The following PCDHAC1 variants were observed in gnomAD, a reference collection of about 807,000 sequenced individuals.
PCDHAC1 encodes the protein protocadherin alpha subfamily C, 1, also known as protocadherin alpha-C1.
PCDHAC1 carries 42 observed loss-of-function variants against 60.0 expected under a neutral mutation model. The observed-to-expected ratio is 0.70, with a 90% CI of 0.55 to 0.90. The LOEUF is 0.90. Ranked by LOEUF, PCDHAC1 falls within the 40% of genes least tolerant of loss-of-function variation. The pLI, the probability that PCDHAC1 is intolerant of heterozygous loss-of-function variation, is 0.00. For synonymous variants in PCDHAC1, 468 were observed against 499.3 expected (o/e 0.94, Z 0.84); for missense variants, 1,160 against 1,222.3 (o/e 0.95, Z 0.76).
At chr5:140,971,419 G>A (rs1554233321) in intron 1 of PCDHAC1, among the ~76,000 whole-genome samples, 1 of 152,140 alleles carries the variant, frequency 6.6e-6, no homozygotes. Context: ...TGGAAATCCA[G>A]TGAAGAACCC....
At chr5:140,960,551 G>T (rs2095555454) in intron 1 of PCDHAC1, among the ~76,000 whole-genome samples, 1 of 152,102 alleles carries the variant, frequency 6.6e-6, no homozygotes, top group Admixed American at 6.5e-5. Flanking sequence ...CCTTCATATA[G>T]ACTGAGCTTA....
In PCDHAC1 at chr5:140,927,795, G is replaced by T; in HGVS notation, c.903G>T (p.Pro301=). ...GEVQVAASLG[P]PETLLEAYIE... ...TGCAAGTAGCTGCTTCACTAGGTCC[G>T]CCTGAAACGCTCTTGGAGGCATACA... The change falls in exon 1 of 4, where the codon CCG becomes CCT. Residue 301 remains proline, a synonymous_variant. Transcript: ENST00000253807. The T allele has an allele frequency of 1.9e-6, 3 of 1,614,144 alleles. 1 individual carries two copies. The highest frequency in any genetic ancestry group is 2.2e-5 in the South Asian group (2 of 91,080).
rs1219444085 is a variant in PCDHAC1 at position 141,010,861 on chromosome 5, A to G, written c.*924A>G. On this transcript the variant is annotated 3_prime_UTR_variant, in exon 4 of 4. Coordinates refer to ENST00000253807, the MANE Select transcript of PCDHAC1 (RefSeq NM_018898.5). ...ATTTATTTAAAAAAAGAGAAAGTCTATAGCTATAAATCTTTAAAGAGAAAT... is the reference window on the plus strand; with the variant it reads ...ATTTATTTAAAAAAAGAGAAAGTCTGTAGCTATAAATCTTTAAAGAGAAAT... 9.1e-5 allele frequency: 14 copies of G among 153,794 alleles called. No individual in the cohort carries two copies. Among genetic ancestry groups the G allele is most frequent in the African/African-American group, 3.1e-4 (13 of 41,468 alleles). 9.5% of individuals were successfully genotyped at this position (153,794 alleles called of 1,614,324 possible).
intron 1 of PCDHAC1, among the ~76,000 whole-genome samples, chr5:140,961,629 A>G (rs970820292): frequency 6.6e-6 from 1 of 152,162 alleles, no homozygotes; most frequent in Non-Finnish European, 1.5e-5. Flanking sequence ...CATATGAAAA[A>G]CAATCTTAAG....
At chr5:140,962,841 A>G (rs1298725922) in intron 1 of PCDHAC1, among the ~76,000 whole-genome samples, 3 of 152,210 alleles carry the variant, frequency 2.0e-5, no homozygotes, top group African/African-American at 7.2e-5. Flanking sequence ...TTTTTATTAT[A>G]TAACTTGTGC....
intron 3 of PCDHAC1, among the ~76,000 whole-genome samples, chr5:141,000,421 A>ATATT (rs1265241806): frequency 1.1e-4 from 3 of 27,978 alleles, no homozygotes; most frequent in Non-Finnish European, 1.7e-4. Flanking sequence ...ATATATATAT[A>ATATT]TTTTTTTTTT....
At chr5:140,946,801 G>C (rs2094030166) in intron 1 of PCDHAC1, among the ~76,000 whole-genome samples, 1 of 151,430 alleles carries the variant, frequency 6.6e-6, no homozygotes, top group African/African-American at 2.4e-5. Flanking sequence ...TAGAAGCAGA[G>C]AGTATAACAG....
chr5:140,997,686 G>T (rs1005092816), intron 3 of PCDHAC1, among the ~76,000 whole-genome samples: 1 of 151,980 alleles, frequency 6.6e-6, no homozygotes, highest in Non-Finnish European at 1.5e-5. Flanking sequence ...GTGTGTGTGT[G>T]TGTGTGTGTG....
chr5:140,937,326 C>T (rs1287239556), intron 1 of PCDHAC1, among the ~76,000 whole-genome samples: 1 of 152,164 alleles, frequency 6.6e-6, no homozygotes, highest in South Asian at 2.1e-4. Context: ...CGTGAGCCAC[C>T]GCGCCCGGCT....
At chr5:141,001,536 A>G (rs562513933) in intron 3 of PCDHAC1, among the ~76,000 whole-genome samples, 153 of 152,240 alleles carry the variant, frequency 1.0e-3, no homozygotes, top group African/African-American at 3.5e-3. Context: ...CTGATCCTGG[A>G]CAGGATTTGG....
intron 1 of PCDHAC1, chr5:140,968,967 A>G (rs782494657): frequency 2.5e-6 from 4 of 1,614,216 alleles, no homozygotes; most frequent in East Asian, 2.2e-5. Context: ...TGCTACCGCT[A>G]CACTGCGTAT....
intron 1 of PCDHAC1, among the ~76,000 whole-genome samples, chr5:140,957,345 A>G (rs1375707193): frequency 6.6e-6 from 1 of 152,170 alleles, no homozygotes; most frequent in Admixed American, 6.5e-5. Flanking sequence ...ATTTTGAGAG[A>G]GAGACCACAT....
At chr5:141,008,211 G>A (rs1032443788) in intron 3 of PCDHAC1, among the ~76,000 whole-genome samples, 6 of 152,168 alleles carry the variant, frequency 3.9e-5, no homozygotes, top group Admixed American at 2.0e-4. Context: ...AACTTGACAT[G>A]AGTTATGTTA....
In PCDHAC1 at chr5:140,949,770, T is replaced by C. The variant is rs955982016; in HGVS notation, c.2433+20445T>C. On this transcript the variant is annotated intron_variant, in intron 1 of 3. Coordinates refer to ENST00000253807, the MANE Select transcript of PCDHAC1 (RefSeq NM_018898.5). ...TTAGCCCATTCACATTAGTGTAATA[T>C]TTGATATGTTTAGATTTGTGTCCTT... Among the ~76,000 whole-genome samples, 3 of 152,026 alleles carry C rather than the reference T, an allele frequency of 2.0e-5. 1 individual carries two copies. The highest frequency in any genetic ancestry group is 6.8e-3 in the Middle Eastern group (2 of 294).
chr5:141,001,842 A>G (rs574186951), intron 3 of PCDHAC1, among the ~76,000 whole-genome samples: 108 of 152,288 alleles, frequency 7.1e-4, no homozygotes, highest in Non-Finnish European at 1.3e-3. Context: ...GGAGACAGAG[A>G]GAGAGGTTGA....
chr5:141,000,421 ATTTTT>A (rs34755515), intron 3 of PCDHAC1, among the ~76,000 whole-genome samples: 89 of 27,938 alleles, frequency 3.2e-3, no homozygotes, highest in East Asian at 4.2e-3. Flanking sequence ...ATATATATAT[ATTTTT>A]TTTTTTTTTT....
At chr5:140,941,216 T>TTTCTTTCTTTCC (rs782179127) in intron 1 of PCDHAC1, among the ~76,000 whole-genome samples, 13 of 124,948 alleles carry the variant, frequency 1.0e-4, no homozygotes, top group Non-Finnish European at 1.8e-4. Context: ...TCTTTCTTCC[T>TTTCTTTCTTTCC]TTCTTTCTTT....
chr5:140,955,951 T>C (rs529805581), intron 1 of PCDHAC1, among the ~76,000 whole-genome samples: 12 of 152,248 alleles, frequency 7.9e-5, no homozygotes, highest in South Asian at 2.1e-4. Context: ...GTCTACTTGC[T>C]TGTTGTTTGT....
chr5:140,993,850 G>A (rs1187946683), intron 3 of PCDHAC1, among the ~76,000 whole-genome samples: 2 of 152,144 alleles, frequency 1.3e-5, no homozygotes, highest in African/African-American at 4.8e-5. Context: ...TATGTAGTAG[G>A]CTATGCCATC....
Sources: allele counts gnomAD v4.1 joint callset (sites outside exome capture counted in the v4.1 genomes callset), GRCh38; gene constraint gnomAD v4.1.1; transcripts MANE v1.5; gene names NCBI Gene and HGNC (gene_info 2026-07-23, HGNC 2026-07-21).